GRIN2B: variants seen among roughly 807,000 people sequenced by gnomAD.
GRIN2B encodes glutamate receptor ionotropic, NMDA 2B.
GRIN2B carries 5 observed loss-of-function variants against 114.5 expected under a neutral mutation model. The observed-to-expected ratio is 0.04, with a 90% CI of 0.02 to 0.09. The LOEUF (loss-of-function observed/expected upper bound fraction) is 0.09, where lower values mean the gene tolerates loss of function less well. Ranked by LOEUF, GRIN2B falls within the 10% of genes least tolerant of loss-of-function variation. GRIN2B has a pLI of 1.00. For synonymous variants in GRIN2B, 787 were observed against 745.1 expected (o/e 1.06, Z -0.92); for missense variants, 1,108 against 1,943.5 (o/e 0.57, Z 8.08).
intron 3 of GRIN2B, among the ~76,000 whole-genome samples, chr12:13,790,135 C>T (rs1864295261): frequency 6.6e-6 from 1 of 152,320 alleles, no homozygotes; most frequent in East Asian, 1.9e-4. Context: ...GATTAATCCT[C>T]TCCTCTCCTG....
intron 5 of GRIN2B, among the ~76,000 whole-genome samples, chr12:13,634,859 C>A (rs1949654185): frequency 6.6e-6 from 1 of 152,174 alleles, no homozygotes; most frequent in Non-Finnish European, 1.5e-5. Flanking sequence ...GTTATCTGAA[C>A]TCGTTGCTAC....
chr12:13,731,550 G>A (rs932772797), intron 4 of GRIN2B, among the ~76,000 whole-genome samples: 8 of 152,134 alleles, frequency 5.3e-5, no homozygotes, highest in Admixed American at 2.6e-4. Flanking sequence ...GCAGTGAGCC[G>A]AGATTGCACC....
intron 3 of GRIN2B, among the ~76,000 whole-genome samples, chr12:13,768,822 C>G (rs1245397832): frequency 6.6e-6 from 1 of 152,116 alleles, no homozygotes; most frequent in Non-Finnish European, 1.5e-5. Flanking sequence ...ATCATGAAGT[C>G]AGGAGATTGA....
chr12:13,861,650 A>G (rs1865753464), intron 3 of GRIN2B, among the ~76,000 whole-genome samples: 1 of 152,180 alleles, frequency 6.6e-6, no homozygotes, highest in Admixed American at 6.5e-5. Flanking sequence ...TGGCTGCAGC[A>G]GGCTTCCATA....
intron 3 of GRIN2B, among the ~76,000 whole-genome samples, chr12:13,837,667 C>T (rs1263781522): frequency 6.6e-6 from 1 of 152,220 alleles, no homozygotes; most frequent in African/African-American, 2.4e-5. Context: ...TTCAAATTCA[C>T]TGTCCTTAAC....
At chr12:13,621,607 G>GTTTTTTTTTTT (rs759603737) in intron 5 of GRIN2B, among the ~76,000 whole-genome samples, 2 of 27,692 alleles carry the variant, frequency 7.2e-5, no homozygotes, top group African/African-American at 1.4e-4. Context: ...AAATTGCCTA[G>GTTTTTTTTTTT]TTTTTGTTTT....
chr12:13,579,166 C>T (rs531136908), intron 10 of GRIN2B, among the ~76,000 whole-genome samples: 3 of 152,262 alleles, frequency 2.0e-5, no homozygotes, highest in African/African-American at 7.2e-5. Flanking sequence ...AAAGATTGGG[C>T]ATGATCAGAG....
chr12:13,630,067 AC>A (rs1949604532), intron 5 of GRIN2B, among the ~76,000 whole-genome samples: 1 of 152,206 alleles, frequency 6.6e-6, no homozygotes, highest in Non-Finnish European at 1.5e-5. Context: ...AATGGCAGGG[AC>A]TGAATATTAT....
Position 13,551,030 on chromosome 12 carries a change from G to A in GRIN2B, c.*11753C>T, listed in dbSNP as rs1450172727. 1 of 80,788 alleles carries A rather than the reference G, an allele frequency of 1.2e-5. No individual in the cohort carries two copies. The highest frequency in any genetic ancestry group is 3.4e-5 in the African/African-American group (1 of 29,752). The allele number at this position is 80,788 out of a possible 1,614,324, so 5.0% of individuals were successfully genotyped here. A position where few individuals can be genotyped will look rare whatever the true frequency, so the allele number is the denominator to read the frequency against. ...AGAAAGGGTGATTTTACTACTTCAT[G>A]TTTTTCTCAGTAAGAGTTCCACCTC... On this transcript the variant is annotated 3_prime_UTR_variant, in exon 14 of 14. Coordinates refer to ENST00000609686, the MANE Select transcript of GRIN2B (RefSeq NM_000834.5).
chr12:13,626,402 C>T (rs1456301585), intron 5 of GRIN2B, among the ~76,000 whole-genome samples: 3 of 152,138 alleles, frequency 2.0e-5, no homozygotes, highest in Non-Finnish European at 4.4e-5. Flanking sequence ...CCACAGGCTG[C>T]AATCACTGAT....
At chr12:13,621,608 TTTTTG>T (rs1485110319) in intron 5 of GRIN2B, among the ~76,000 whole-genome samples, 3 of 88,528 alleles carry the variant, frequency 3.4e-5, no homozygotes, top group African/African-American at 1.2e-4. Flanking sequence ...AATTGCCTAG[TTTTTG>T]TTTTTTTTTT....
At chr12:13,782,991 A>G (rs1188010509) in intron 3 of GRIN2B, among the ~76,000 whole-genome samples, 1 of 152,248 alleles carries the variant, frequency 6.6e-6, no homozygotes, top group African/African-American at 2.4e-5. Context: ...CCAGTGACTT[A>G]AAGTCACTGT....
intron 2 of GRIN2B, among the ~76,000 whole-genome samples, chr12:13,977,642 G>T (rs970539892): frequency 6.6e-6 from 1 of 152,082 alleles, no homozygotes; most frequent in African/African-American, 2.4e-5. Flanking sequence ...AGACAAAATA[G>T]AACCCAGTCA....
intron 3 of GRIN2B, among the ~76,000 whole-genome samples, chr12:13,818,739 T>C (rs1209907993): frequency 6.6e-6 from 1 of 152,180 alleles, no homozygotes; most frequent in Non-Finnish European, 1.5e-5. Context: ...GACAGAACCA[T>C]CATGACAGAG....
intron 4 of GRIN2B, among the ~76,000 whole-genome samples, chr12:13,699,027 C>T (rs945742025): frequency 1.3e-5 from 2 of 152,102 alleles, no homozygotes; most frequent in Non-Finnish European, 2.9e-5. Context: ...GGGAAGGTGA[C>T]CATCCATTGA....
In GRIN2B at chr12:13,564,541, C is replaced by T. The variant is rs775362947; in HGVS notation, c.2697G>A (p.Leu899=). The part of the protein sequence containing the change: ...ATMNNTHSNI[L]RLLRTAKNMA... ...TGTTCTTGGCCGTGCGCAGCAGGCGCAGGATGTTGGAGTGTGTGTTGTTCA... is the reference window on the plus strand; with the variant it reads ...TGTTCTTGGCCGTGCGCAGCAGGCGTAGGATGTTGGAGTGTGTGTTGTTCA... Residue 899 remains leucine (L), a synonymous_variant, in exon 14 of 14, where the codon CTG becomes CTA. Coordinates refer to ENST00000609686, the MANE Select transcript of GRIN2B (RefSeq NM_000834.5). The surrounding 1 kb of genome is among the most constrained non-coding windows in gnomAD (Gnocchi z 4.8). 1 of 1,614,108 alleles carries T rather than the reference C, an allele frequency of 6.2e-7. No individual in the cohort carries two copies. Among genetic ancestry groups the T allele is most frequent in the South Asian group, 1.1e-5 (1 of 91,080 alleles).
At chr12:13,637,928 G>C (rs1173178649) in intron 5 of GRIN2B, among the ~76,000 whole-genome samples, 2 of 152,114 alleles carry the variant, frequency 1.3e-5, no homozygotes, top group African/African-American at 4.8e-5. Context: ...TAAGAGTCTA[G>C]GCCAAAATGC....
At chr12:13,961,535 T>C (rs1264527370) in intron 2 of GRIN2B, among the ~76,000 whole-genome samples, 1 of 152,198 alleles carries the variant, frequency 6.6e-6, no homozygotes, top group East Asian at 1.9e-4. Context: ...TTGAAATATG[T>C]AGGAGAAAAT....
chr12:13,889,713 C>G (rs549529976), intron 2 of GRIN2B, among the ~76,000 whole-genome samples: 3 of 152,270 alleles, frequency 2.0e-5, no homozygotes, highest in African/African-American at 4.8e-5. Flanking sequence ...TGCTGTCAAC[C>G]TCCTGGCATT....
Sources: gnomAD v4.1 joint callset for allele counts (sites outside exome capture counted in the v4.1 genomes callset) on GRCh38, gnomAD v4.1.1 for gene constraint, Gnocchi (gnomAD v3.1) non-coding constraint, MANE v1.5 for transcripts, NCBI Gene and HGNC (gene_info 2026-07-23, HGNC 2026-07-21) for gene names.